ENTPD3: variants seen among roughly 807,000 people sequenced by gnomAD.
ENTPD3 encodes the protein CD39 antigen-like 3.
ENTPD3 carries 60 observed loss-of-function variants against 51.2 expected under a neutral mutation model. That is an observed-to-expected ratio of 1.17 (90% CI 0.95 to 1.45). ENTPD3 has a LOEUF of 1.45. Ranked by LOEUF, ENTPD3 falls within the 40% of genes most tolerant of loss-of-function variation. ENTPD3 has a pLI of 0.00. For synonymous variants in ENTPD3, 221 were observed against 238.4 expected, an observed-to-expected ratio of 0.93 and a Z score of 0.67; for missense variants, 593 against 641.1, an observed-to-expected ratio of 0.93 and a Z score of 0.81.
rs1196105910 is a variant in ENTPD3 at position 40,415,828 on chromosome 3, C to T, written c.598-12C>T. Reference sequence around the variant, plus strand: ...TTGGCTTTCTTTCTCACTTCCTTTTCCCACTGTGCAGAAGAACCTGTGGCA... The same window carrying T: ...TTGGCTTTCTTTCTCACTTCCTTTTTCCACTGTGCAGAAGAACCTGTGGCA... On this transcript the variant is annotated splice_polypyrimidine_tract_variant and intron_variant, in intron 6 of 10. Transcript: ENST00000301825. The T allele has an allele frequency of 1.2e-6, 2 of 1,609,206 alleles. No homozygotes were observed. Among genetic ancestry groups the T allele is most frequent in the South Asian group, 1.1e-5 (1 of 90,846 alleles).
At chr3:40,416,381 AAACC>A (rs1955749067) in intron 7 of ENTPD3, among the ~76,000 whole-genome samples, 1 of 152,162 alleles carries the variant, frequency 6.6e-6, no homozygotes, top group Non-Finnish European at 1.5e-5. Flanking sequence ...AAACTGTTTT[AAACC>A]AGGAGCTAAA....
chr3:40,393,441 T>A (rs1175576012), intron 3 of ENTPD3, among the ~76,000 whole-genome samples: 1 of 152,134 alleles, frequency 6.6e-6, no homozygotes, highest in African/African-American at 2.4e-5. Context: ...TAGTGACTAT[T>A]CAAAGGTAAT....
intron 2 of ENTPD3, among the ~76,000 whole-genome samples, chr3:40,389,935 A>G (rs1402688312): frequency 6.6e-6 from 1 of 152,236 alleles, no homozygotes; most frequent in Non-Finnish European, 1.5e-5. Flanking sequence ...TTGCTGTTCA[A>G]TTGATCTTCC....
intron 4 of ENTPD3, among the ~76,000 whole-genome samples, chr3:40,406,533 A>T (rs1385322261): frequency 6.6e-6 from 1 of 152,242 alleles, no homozygotes; most frequent in South Asian, 2.1e-4. Flanking sequence ...TCAGGGGCTA[A>T]GATTGGAAGC....
chr3:40,397,778 T>C (rs957695828), intron 3 of ENTPD3, among the ~76,000 whole-genome samples: 1 of 152,184 alleles, frequency 6.6e-6, no homozygotes, highest in Non-Finnish European at 1.5e-5. Context: ...TACAGAGTAA[T>C]TTAACCAGTT....
chr3:40,407,798 T>C (rs562877125), intron 4 of ENTPD3, among the ~76,000 whole-genome samples: 12 of 151,968 alleles, frequency 7.9e-5, no homozygotes, highest in Non-Finnish European at 1.3e-4. Flanking sequence ...TCCAAGGTAG[T>C]TGAAGAAAGA....
chr3:40,398,669 G>A (rs578017180), intron 3 of ENTPD3, among the ~76,000 whole-genome samples: 1 of 152,184 alleles, frequency 6.6e-6, no homozygotes, highest in African/African-American at 2.4e-5. Flanking sequence ...AGTGAACACA[G>A]ATGTTCTATT....
In ENTPD3 at chr3:40,422,869, A is replaced by G; in HGVS notation, c.851A>G (p.His284Arg). 1 of 1,612,858 alleles carries G rather than the reference A, an allele frequency of 6.2e-7. No homozygotes were observed. Among genetic ancestry groups the G allele is most frequent in the Non-Finnish European group, 8.5e-7 (1 of 1,179,856 alleles). ...CTACAGAATTCTCCTACCAAAAACC[A>G]TCTCACCAATCCCTGTTACCCTCGG... ...MLLQNSPTKN[H>R]LTNPCYPRDY... Residue 284 changes from histidine (H) to arginine (R), a missense_variant, in exon 8 of 11, where the codon CAT (histidine) becomes CGT (arginine). By Grantham distance (29) the His-to-Arg change is conservative. Coordinates refer to ENST00000301825, the MANE Select transcript of ENTPD3 (RefSeq NM_001248.4).
chr3:40,405,693 A>G (rs1955476961), intron 4 of ENTPD3, among the ~76,000 whole-genome samples: 1 of 152,054 alleles, frequency 6.6e-6, no homozygotes, highest in Non-Finnish European at 1.5e-5. Context: ...AAGCCTGTGA[A>G]TCCTATCTCC....
intron 3 of ENTPD3, among the ~76,000 whole-genome samples, chr3:40,396,169 T>C (rs1955194022): frequency 6.6e-6 from 1 of 152,166 alleles, no homozygotes; most frequent in South Asian, 2.1e-4. Flanking sequence ...GGAAGGTCCA[T>C]TCTGCTTAAT....
At chr3:40,421,314 A>G (rs1360235056) in intron 7 of ENTPD3, among the ~76,000 whole-genome samples, 1 of 152,140 alleles carries the variant, frequency 6.6e-6, no homozygotes, top group Non-Finnish European at 1.5e-5. Context: ...GTGAGCCATC[A>G]CACCCAGCCA....
At chr3:40,407,832 G>C (rs1365672979) in intron 4 of ENTPD3, among the ~76,000 whole-genome samples, 1 of 152,184 alleles carries the variant, frequency 6.6e-6, no homozygotes, top group Non-Finnish European at 1.5e-5. Context: ...TAGGTGAAAA[G>C]TGATGGGGAG....
Position 40,423,015 on chromosome 3 carries a change from C to G in ENTPD3, c.997C>G (p.Leu333Val). The change falls in exon 8 of 11, where the codon CTG becomes GTG. Residue 333 changes from leucine (L) to valine (V), a missense_variant. Leu to Val is a conservative substitution (Grantham distance 32). Transcript: ENST00000301825. ...TTTTGAAGGAACTGGGGACCCATCT[C>G]TGTGTAAGGAGAAGGTGGCTTCCAT... ...ITFEGTGDPS[L>V]CKEKVASIFD... The G allele has an allele frequency of 6.2e-7, 1 of 1,614,094 alleles. No homozygotes were observed. The highest frequency in any genetic ancestry group is 8.5e-7 in the Non-Finnish European group (1 of 1,179,994).
intron 6 of ENTPD3, 45 bp downstream of exon 6, chr3:40,414,885 T>G: frequency 6.2e-7 from 1 of 1,601,084 alleles, no homozygotes; most frequent in Non-Finnish European, 8.6e-7. Flanking sequence ...CTGTTTATCC[T>G]ATCCCCTGTG....
At chr3:40,399,376 T>C (rs1199587626) in intron 3 of ENTPD3, 5 of 152,236 alleles carry the variant, frequency 3.3e-5, no homozygotes, top group African/African-American at 1.2e-4. Context: ...AGCCTGTATT[T>C]ATGAGTAGCC....
chr3:40,400,082 T>A, intron 3 of ENTPD3, among the ~76,000 whole-genome samples: 1 of 151,888 alleles, frequency 6.6e-6, no homozygotes, highest in Non-Finnish European at 1.5e-5. Flanking sequence ...CTGCCCAACA[T>A]GGTGAAACCT....
intron 10 of ENTPD3, chr3:40,424,248 C>T (rs1955940889): frequency 1.3e-6 from 1 of 768,298 alleles, no homozygotes; most frequent in South Asian, 5.9e-5. Context: ...TCCCAGCACT[C>T]TGCACAAGGA....
At chr3:40,411,292 G>GAAA (rs773251760) in intron 4 of ENTPD3, among the ~76,000 whole-genome samples, 2 of 80,306 alleles carry the variant, frequency 2.5e-5, no homozygotes, top group African/African-American at 1.2e-4. Flanking sequence ...CTCTGTCTCA[G>GAAA]AAAAAAAAAA....
intron 7 of ENTPD3, among the ~76,000 whole-genome samples, chr3:40,417,446 T>C (rs992668208): frequency 1.3e-5 from 2 of 151,970 alleles, no homozygotes; most frequent in African/African-American, 2.4e-5. Context: ...GAAGGTGCCA[T>C]ACAATTTTAA....
Sources: allele counts gnomAD v4.1 joint callset (sites outside exome capture counted in the v4.1 genomes callset), GRCh38; gene constraint gnomAD v4.1.1; transcripts MANE v1.5; gene names NCBI Gene and HGNC (gene_info 2026-07-23, HGNC 2026-07-21).